AHCYL2: variants seen among roughly 807,000 people sequenced by gnomAD.
The protein encoded by AHCYL2 is adenosylhomocysteinase like 2.
Under a neutral mutation model 81.4 loss-of-function variants are expected in AHCYL2, and 28 were observed. The ratio of observed to expected loss-of-function variants is 0.34; its 90% CI spans 0.25 to 0.47. AHCYL2 has a LOEUF of 0.47. AHCYL2 is among the 20% of genes least tolerant of loss of function. The pLI, the probability that AHCYL2 is intolerant of heterozygous loss-of-function variation, is 1.00. For synonymous variants in AHCYL2, 272 were observed against 290.2 expected, an observed-to-expected ratio of 0.94 and a Z score of 0.64; for missense variants, 551 against 785.1, an observed-to-expected ratio of 0.70 and a Z score of 3.56.
chr7:129,234,835 TC>T (rs1235848159), intron 1 of AHCYL2, among the ~76,000 whole-genome samples: 1 of 152,206 alleles, frequency 6.6e-6, no homozygotes, highest in Non-Finnish European at 1.5e-5. Flanking sequence ...GTTTATTTCA[TC>T]TTTCTACTAG....
rs1796332410 is a variant in AHCYL2, at chr7:129,406,896, TCTA to T, written c.1295+434_1295+436del. Among the ~76,000 whole-genome samples, 3 of 152,168 alleles carry T rather than the reference TCTA, an allele frequency of 2.0e-5. No individual in the cohort carries two copies. Among genetic ancestry groups the T allele is most frequent in the Admixed American group, 2.0e-4 (3 of 15,278 alleles). On this transcript the variant is annotated intron_variant, in intron 10 of 16. Transcript: ENST00000325006. This position sits in a 1 kb window ranked among gnomAD's most constrained non-coding sequence, Gnocchi z 4.3. Reference sequence around the variant, plus strand: ...AGACCAATCCCAGTTAAGGGTAAAATCTACTAACTCTGAGTGAAGCATATATGA... The same window carrying T: ...AGACCAATCCCAGTTAAGGGTAAAATCTAACTCTGAGTGAAGCATATATGA...
At chr7:129,366,877 T>C (rs543826777) in intron 1 of AHCYL2, among the ~76,000 whole-genome samples, 3 of 151,618 alleles carry the variant, frequency 2.0e-5, no homozygotes, top group Non-Finnish European at 4.4e-5. Context: ...GTGCCCAAGG[T>C]GGTCAGAACA....
intron 1 of AHCYL2, among the ~76,000 whole-genome samples, chr7:129,309,378 A>C (rs1194213083): frequency 6.6e-6 from 1 of 152,088 alleles, no homozygotes; most frequent in African/African-American, 2.4e-5. Context: ...ATCTCTACAA[A>C]AAGTTTAAAA....
intron 1 of AHCYL2, among the ~76,000 whole-genome samples, chr7:129,340,905 A>G (rs1003881151): frequency 3.9e-5 from 6 of 152,066 alleles, no homozygotes; most frequent in African/African-American, 1.4e-4. Flanking sequence ...TTAGTTTGCT[A>G]TTTTGTTCAT....
intron 1 of AHCYL2, among the ~76,000 whole-genome samples, chr7:129,265,842 C>G (rs1795794598): frequency 1.3e-5 from 2 of 152,126 alleles, no homozygotes. Flanking sequence ...ACTGCAATAA[C>G]TAGAGAAGAG....
At position 129,263,371 on chromosome 7, in the gene AHCYL2, G is replaced by T. The variant is rs140753065; in HGVS notation, c.363+37932G>T. Among the ~76,000 whole-genome samples the T allele has an allele frequency of 5.8e-3, 888 of 152,276 alleles. 7 individuals carry two copies. Among genetic ancestry groups the T allele is most frequent in the African/African-American group, 0.02 (839 of 41,556 alleles). ...TTCCTCTTACTTCCCAGCGTCATTG[G>T]CTAAAGCAAGTCATGTGGCCAAACT... On this transcript the variant is annotated intron_variant, in intron 1 of 16. Transcript: ENST00000325006.
intron 1 of AHCYL2, among the ~76,000 whole-genome samples, chr7:129,330,958 T>G (rs1328774034): frequency 6.6e-6 from 1 of 152,186 alleles, no homozygotes; most frequent in African/African-American, 2.4e-5. Context: ...AAAATGAGAC[T>G]GAAAAGGTAC....
In AHCYL2 at chr7:129,265,416, G is replaced by A. The variant is rs144389564; in HGVS notation, c.363+39977G>A. On this transcript the variant is annotated intron_variant, in intron 1 of 16. Transcript: ENST00000325006. ...GAATTTGATAGGTGGCAGTAACTAGGGAAAGAGATGAGGGAGTTGAATGGC... is the reference window on the plus strand; with the variant it reads ...GAATTTGATAGGTGGCAGTAACTAGAGAAAGAGATGAGGGAGTTGAATGGC... Among the ~76,000 whole-genome samples, 357 of 152,254 alleles carry A rather than the reference G, an allele frequency of 2.3e-3. 2 individuals carry two copies. Among genetic ancestry groups the A allele is most frequent in the African/African-American group, 8.4e-3 (347 of 41,538 alleles).
Position 129,406,590 on chromosome 7 carries a change from C to T in AHCYL2, c.1295+124C>T. 5.4e-6 allele frequency: 5 copies of T among 923,018 alleles called. No individual in the cohort carries two copies. In the South Asian group the frequency reaches 5.9e-5, roughly 11 times the overall value. 57.2% of individuals were successfully genotyped at this position (923,018 alleles called of 1,614,324 possible). A position where few individuals can be genotyped will look rare whatever the true frequency, so the allele number is the denominator to read the frequency against. ...CAGAGATGCTGCCACTAACTCTAAG[C>T]ATCTGTCTTTTAAAAAGGTCAAGGA... On this transcript the variant is annotated intron_variant, in intron 10 of 16. Transcript: ENST00000325006. The surrounding 1 kb of genome is among the most constrained non-coding windows in gnomAD (Gnocchi z 4.3).
At chr7:129,373,216 T>C (rs1794500031) in intron 1 of AHCYL2, among the ~76,000 whole-genome samples, 2 of 152,198 alleles carry the variant, frequency 1.3e-5, no homozygotes, top group Non-Finnish European at 2.9e-5. Context: ...CCAGGTGATT[T>C]TGATGCAGCT....
intron 1 of AHCYL2, chr7:129,375,796 A>C: frequency 6.5e-7 from 1 of 1,529,096 alleles, no homozygotes; most frequent in Non-Finnish European, 8.7e-7. Context: ...AGAATTGCTG[A>C]TGAGGAAAGT....
intron 12 of AHCYL2, among the ~76,000 whole-genome samples, chr7:129,415,806 A>G (rs1796818920): frequency 6.6e-6 from 1 of 152,034 alleles, no homozygotes. Context: ...AAAAAAAACA[A>G]AATTAGTTGG....
intron 1 of AHCYL2, among the ~76,000 whole-genome samples, chr7:129,365,861 G>T (rs557406028): frequency 6.6e-6 from 1 of 151,980 alleles, no homozygotes; most frequent in South Asian, 2.1e-4. Flanking sequence ...AACACAAAAA[G>T]TGAGGAGAAG....
chr7:129,239,514 A>G (rs1039006889), intron 1 of AHCYL2, among the ~76,000 whole-genome samples: 10 of 150,836 alleles, frequency 6.6e-5, no homozygotes, highest in African/African-American at 2.2e-4. Flanking sequence ...TGGTGTGATC[A>G]TAGTTCACTG....
chr7:129,291,600 CT>C (rs1361998835), intron 1 of AHCYL2, among the ~76,000 whole-genome samples: 4 of 136,924 alleles, frequency 2.9e-5, no homozygotes, highest in Admixed American at 1.5e-4. Flanking sequence ...GCCACAAAGT[CT>C]TTTTTTTTTC....
At chr7:129,297,337 T>C (rs1338620554) in intron 1 of AHCYL2, among the ~76,000 whole-genome samples, 1 of 152,136 alleles carries the variant, frequency 6.6e-6, no homozygotes, top group African/African-American at 2.4e-5. Flanking sequence ...CCGGGCTGAG[T>C]TGTGCATACT....
chr7:129,259,802 C>T (rs529558852), intron 1 of AHCYL2, among the ~76,000 whole-genome samples: 94 of 152,264 alleles, frequency 6.2e-4, no homozygotes, highest in African/African-American at 2.2e-3. Context: ...GTTGGCCAGG[C>T]GAGGTAGCTC....
At chr7:129,331,520 T>C (rs938819995) in intron 1 of AHCYL2, among the ~76,000 whole-genome samples, 9 of 152,208 alleles carry the variant, frequency 5.9e-5, no homozygotes, top group Non-Finnish European at 8.8e-5. Flanking sequence ...GAGTGCTTAC[T>C]ATTTACCAGA....
At chr7:129,279,191 C>G (rs1796335197) in intron 1 of AHCYL2, among the ~76,000 whole-genome samples, 2 of 151,148 alleles carry the variant, frequency 1.3e-5, no homozygotes, top group South Asian at 4.2e-4. Flanking sequence ...CCATGAATGG[C>G]ATATCTGTAC....
Sources: gnomAD v4.1 joint callset for allele counts (sites outside exome capture counted in the v4.1 genomes callset) on GRCh38, gnomAD v4.1.1 for gene constraint, Gnocchi (gnomAD v3.1) non-coding constraint, MANE v1.5 for transcripts, NCBI Gene and HGNC (gene_info 2026-07-23, HGNC 2026-07-21) for gene names.